The following RMC1 variants were observed in gnomAD, a reference collection of about 807,000 sequenced individuals.
The protein encoded by RMC1 is regulator of MON1-CCZ1 complex.
In RMC1, 44 loss-of-function variants were observed where a neutral mutation model predicts 95.5. That is an observed-to-expected ratio of 0.46 (90% confidence interval 0.36 to 0.59). RMC1 has a LOEUF of 0.59. RMC1 is among the 20% of genes least tolerant of loss of function. RMC1 has a pLI of 0.00. For synonymous variants in RMC1, 320 were observed against 303.6 expected (o/e 1.05, Z -0.56); for missense variants, 705 against 819.6 (o/e 0.86, Z 1.71).
At position 23,503,550 on chromosome 18, in the gene RMC1, C is replaced by G; in HGVS notation, c.-69C>G. The stretch of plus-strand genomic sequence containing the variant: ...AGCCGCCGCTACAGTCCGGGCCGGG[C>G]TCCACCGCGCATCCTGCTCCACTCT... On this transcript the variant is annotated 5_prime_UTR_variant, in exon 1 of 20. Transcript: ENST00000269221. The G allele has an allele frequency of 8.5e-7, 1 of 1,176,972 alleles. No homozygotes were observed. Among genetic ancestry groups the G allele is most frequent in the South Asian group, 1.6e-5 (1 of 62,638 alleles). 72.9% of individuals were successfully genotyped at this position (1,176,972 alleles called of 1,614,324 possible).
chr18:23,504,921 T>C (rs1195924762), intron 2 of RMC1, among the ~76,000 whole-genome samples: 1 of 152,220 alleles, frequency 6.6e-6, no homozygotes, highest in Non-Finnish European at 1.5e-5. Context: ...GCAGGGCCTT[T>C]CACTTTCAGA....
intron 5 of RMC1, among the ~76,000 whole-genome samples, chr18:23,510,385 C>T (rs573624839): frequency 6.6e-6 from 1 of 151,714 alleles, no homozygotes; most frequent in Non-Finnish European, 1.5e-5. Context: ...CAGTGGCTCA[C>T]ACCTGTAATC....
chr18:23,524,738 A>AGACTCCACCCCAGGGTGGATGGAAAGCCG (rs2058243358), intron 12 of RMC1, among the ~76,000 whole-genome samples: 1 of 152,010 alleles, frequency 6.6e-6, no homozygotes, highest in South Asian at 2.1e-4. Context: ...TGGAAAAGCC[A>AGACTCCACCCCAGGGTGGATGGAAAGCCG]GACTCCACCC....
At chr18:23,516,221 G>T in intron 6 of RMC1, 99 bp from the exon 7 acceptor site, 2 of 1,443,174 alleles carry the variant, frequency 1.4e-6, no homozygotes, top group Non-Finnish European at 9.7e-7. Flanking sequence ...AGGATCCAAA[G>T]ACGAAGTCTG....
chr18:23,520,668 CTT>C (rs2058119861), intron 10 of RMC1, among the ~76,000 whole-genome samples: 1 of 151,836 alleles, frequency 6.6e-6, no homozygotes, highest in Non-Finnish European at 1.5e-5. Flanking sequence ...CAGAGCCTCA[CTT>C]TGTTGCCCAG....
chr18:23,524,265 A>T (rs1425832317), intron 11 of RMC1, 91 bp downstream of exon 11: 1 of 1,546,464 alleles, frequency 6.5e-7, no homozygotes. Context: ...GGCAGCTGTG[A>T]ATAACACTCC....
chr18:23,523,978 T>C, intron 10 of RMC1, 152 bp from the exon 11 acceptor site: 1 of 820,524 alleles, frequency 1.2e-6, no homozygotes, highest in Non-Finnish European at 2.0e-6. Context: ...GTACGTGCTT[T>C]CAGTGAGACG....
chr18:23,504,541 T>C (rs1162656279), intron 2 of RMC1, 94 bp downstream of exon 2: 1 of 1,213,232 alleles, frequency 8.2e-7, no homozygotes, highest in African/African-American at 1.5e-5. Context: ...TCATTTGGTC[T>C]GCCCTAAGAG....
At chr18:23,517,256 T>G (rs1440199960) in intron 7 of RMC1, among the ~76,000 whole-genome samples, 3 of 151,942 alleles carry the variant, frequency 2.0e-5, no homozygotes, top group Non-Finnish European at 2.9e-5. Flanking sequence ...TTCAAGCGAT[T>G]CTCCTGCCTC....
In RMC1 at chr18:23,503,717, G is replaced by A. The variant is rs772460759; in HGVS notation, c.99G>A (p.Lys33=). Residue 33 remains lysine, a synonymous_variant, in exon 1 of 20, where the codon AAG becomes AAA. Coordinates refer to ENST00000269221, the MANE Select transcript of RMC1 (RefSeq NM_013326.5). ...GCGTCTTCTTCGATGAGGCCAACAAGCAGGTCCGGCGCGCCCGCGCTTCCT... is the reference window on the plus strand; with the variant it reads ...GCGTCTTCTTCGATGAGGCCAACAAACAGGTCCGGCGCGCCCGCGCTTCCT... ...VNCVFFDEAN[K]QVFAVRSGGA... is the part of the protein sequence containing the mutation. 8.8e-6 allele frequency: 14 copies of A among 1,587,424 alleles called. No individual in the cohort carries two copies. The African/African-American group carries it at 1.5e-4, about 17-fold the overall frequency.
rs2145264675 is a variant in RMC1 at position 23,526,687 on chromosome 18, C to A, written c.1111C>A (p.Pro371Thr). 1 of 1,614,146 alleles carries A rather than the reference C, an allele frequency of 6.2e-7. No homozygotes were observed. The highest frequency in any genetic ancestry group is 1.1e-5 in the South Asian group (1 of 91,080). Reference sequence around the variant, plus strand: ...ACTTGAGCCCATAGTAAATCTCTTACCAGACAAAGGAAGACTCATGGACTT... The same window carrying A: ...ACTTGAGCCCATAGTAAATCTCTTAACAGACAAAGGAAGACTCATGGACTT... ...VKLEPIVNLL[P>T]DKGRLMDFLL... The change falls in exon 13 of 20, where the codon CCA becomes ACA. Residue 371 changes from proline to threonine, a missense_variant. Pro to Thr is a conservative substitution (Grantham distance 38, BLOSUM62 -1). Coordinates refer to ENST00000269221, the MANE Select transcript of RMC1 (RefSeq NM_013326.5).
At chr18:23,530,893 T>C (rs761285681) in intron 19 of RMC1, among the ~76,000 whole-genome samples, 3 of 152,218 alleles carry the variant, frequency 2.0e-5, no homozygotes, top group Non-Finnish European at 4.4e-5. Flanking sequence ...GATCTTGGAA[T>C]ATCTCTTAAA....
intron 15 of RMC1, 157 bp downstream of exon 15, chr18:23,529,455 A>T (rs1253135121): frequency 7.7e-7 from 1 of 1,297,622 alleles, no homozygotes; most frequent in African/African-American, 1.5e-5. Context: ...TTGGCTTCTA[A>T]TGCTGAGGCC....
rs199522028 is a variant in RMC1 at position 23,529,756 on chromosome 18, TA to T, written c.1494+54del. On this transcript the variant is annotated intron_variant, in intron 16 of 19. Coordinates refer to ENST00000269221, the MANE Select transcript of RMC1 (RefSeq NM_013326.5). Reference sequence around the variant, plus strand: ...GGCCCAAGTTAAAACAGAAGGAATTTAAAAAAAAAACACAGTCACTGTCTTA... The same window carrying T: ...GGCCCAAGTTAAAACAGAAGGAATTTAAAAAAAAACACAGTCACTGTCTTA... 1.4e-3 allele frequency: 1,916 copies of T among 1,418,508 alleles called. 1 individual carries two copies. Among genetic ancestry groups the T allele is most frequent in the Non-Finnish European group, 1.6e-3 (1,696 of 1,028,900 alleles). 87.9% of individuals were successfully genotyped at this position (1,418,508 alleles called of 1,614,324 possible).
intron 19 of RMC1, 183 bp from the exon 20 acceptor site, chr18:23,531,442 T>C (rs535373174): frequency 2.6e-4 from 327 of 1,265,000 alleles, no homozygotes; most frequent in Non-Finnish European, 3.2e-4. Flanking sequence ...TTAGATAGAA[T>C]CTCTTCCATT....
chr18:23,520,304 C>G lies in RMC1; in HGVS notation c.952C>G (p.Pro318Ala). 1 of 1,613,220 alleles carries G rather than the reference C, an allele frequency of 6.2e-7. No individual in the cohort carries two copies. Among genetic ancestry groups the G allele is most frequent in the Non-Finnish European group, 8.5e-7 (1 of 1,179,226 alleles). ...PARSIQPYQI[P>A]ITGPAAVTSQ... ...TCGATCGATCCAGCCCTATCAGATC[C>G]CCATCACAGGTAACACGGGTTCTGT... The change falls in exon 10 of 20, where the codon CCC (proline) becomes GCC (alanine). Residue 318 changes from proline (P) to alanine (A), a missense_variant. Pro to Ala is a conservative substitution (Grantham distance 27). Coordinates refer to ENST00000269221, the MANE Select transcript of RMC1 (RefSeq NM_013326.5).
chr18:23,508,468 CTCTT>C (rs900275628), intron 4 of RMC1, among the ~76,000 whole-genome samples: 2 of 152,108 alleles, frequency 1.3e-5, no homozygotes, highest in African/African-American at 2.4e-5. Flanking sequence ...CTTGTCCTTA[CTCTT>C]TCTTTCTTCT....
rs768924773 is a variant in RMC1 at position 23,507,074 on chromosome 18, T to C, written c.264+20T>C. ...ACTGTGGTAAGACTTATCTTTAAAA[T>C]ACAGCATTAAAGGGCATTAGAAATA... On this transcript the variant is annotated intron_variant, in intron 3 of 19. Transcript: ENST00000269221. 16 of 1,508,088 alleles carry C rather than the reference T, an allele frequency of 1.1e-5. No individual in the cohort carries two copies. The East Asian group carries it at 3.4e-4, about 32-fold the overall frequency. The allele number at this position is 1,508,088 out of a possible 1,614,324, so 93.4% of individuals were successfully genotyped here.
intron 10 of RMC1, 131 bp downstream of exon 10, chr18:23,520,444 G>A (rs2058113803): frequency 1.3e-6 from 1 of 751,410 alleles, no homozygotes; most frequent in Admixed American, 2.9e-5. Context: ...GTCTGATTTT[G>A]CCAGGGGCCA....
Sources: allele counts gnomAD v4.1 joint callset (sites outside exome capture counted in the v4.1 genomes callset), GRCh38; gene constraint gnomAD v4.1.1; transcripts MANE v1.5; gene names NCBI Gene and HGNC (gene_info 2026-07-23, HGNC 2026-07-21).